Variants in CSMD2 observed in about 807,000 individuals in gnomAD.
CSMD2 encodes CUB and Sushi multiple domains 2.
A neutral mutation model predicts 398.5 loss-of-function variants in CSMD2; 130 were observed. The ratio of observed to expected loss-of-function variants is 0.33; its 90% confidence interval spans 0.28 to 0.38. The LOEUF (loss-of-function observed/expected upper bound fraction) is 0.38. CSMD2 is among the 10% of genes least tolerant of loss of function. The pLI is 1.00. For synonymous variants in CSMD2, 1,828 were observed against 1,908.5 expected (o/e 0.96, Z 1.10); for missense variants, 3,829 against 4,764.9 (o/e 0.80, Z 5.78).
rs904209197 is a variant in CSMD2 at position 34,153,138 on chromosome 1, T to C, written c.187+11773A>G. On this transcript the variant is annotated intron_variant, in intron 1 of 70. Coordinates refer to ENST00000373381, the MANE Select transcript of CSMD2 (RefSeq NM_001281956.2). ...TTCAAGTGATTCTTGTGACCCAGCC[T>C]CCCGAGTAGCTGGGACTACAGGTGC... Among the ~76,000 whole-genome samples, 3 of 152,200 alleles carry C rather than the reference T, an allele frequency of 2.0e-5. No homozygotes were observed. The East Asian group carries it at 5.8e-4, about 29-fold the overall frequency.
intron 3 of CSMD2, among the ~76,000 whole-genome samples, chr1:34,030,696 C>A (rs992611661): frequency 6.6e-6 from 1 of 152,190 alleles, no homozygotes; most frequent in African/African-American, 2.4e-5. Flanking sequence ...CCTAACAGGG[C>A]AGTGTGGGCA....
At chr1:33,943,618 T>A (rs1298449685) in intron 3 of CSMD2, among the ~76,000 whole-genome samples, 2 of 151,936 alleles carry the variant, frequency 1.3e-5, no homozygotes, top group Non-Finnish European at 2.9e-5. Context: ...ATCTAAGGAG[T>A]TACGTGGGGG....
At chr1:33,564,006 G>A (rs920430236) in intron 53 of CSMD2, among the ~76,000 whole-genome samples, 3 of 152,012 alleles carry the variant, frequency 2.0e-5, no homozygotes, top group Admixed American at 2.0e-4. Context: ...AAGAGAGAAT[G>A]GGCCTTAGTG....
At chr1:33,842,417 A>G (rs1660944958) in intron 6 of CSMD2, among the ~76,000 whole-genome samples, 1 of 152,202 alleles carries the variant, frequency 6.6e-6, no homozygotes, top group African/African-American at 2.4e-5. Context: ...ATCACTTCTC[A>G]TCTATGACTC....
intron 25 of CSMD2, among the ~76,000 whole-genome samples, chr1:33,672,578 C>T (rs1447583029): frequency 6.6e-6 from 1 of 152,238 alleles, no homozygotes; most frequent in African/African-American, 2.4e-5. Flanking sequence ...CCTCTGCAGA[C>T]TTAAATGTCC....
intron 3 of CSMD2, among the ~76,000 whole-genome samples, chr1:33,980,164 A>G (rs901467077): frequency 2.0e-5 from 3 of 152,156 alleles, no homozygotes; most frequent in African/African-American, 7.2e-5. Context: ...CAAAATAAAG[A>G]TATAAGGAAC....
At chr1:34,151,762 T>A (rs1640340706) in intron 1 of CSMD2, among the ~76,000 whole-genome samples, 1 of 152,014 alleles carries the variant, frequency 6.6e-6, no homozygotes, top group African/African-American at 2.4e-5. Flanking sequence ...CTATTTTTCT[T>A]TTATTTCTTC....
intron 1 of CSMD2, among the ~76,000 whole-genome samples, chr1:34,155,328 T>C (rs1640710135): frequency 1.3e-5 from 2 of 152,140 alleles, no homozygotes; most frequent in African/African-American, 4.8e-5. Context: ...GAACAAAATA[T>C]CGTAGGAGAT....
chr1:33,856,318 G>A (rs964035247), intron 5 of CSMD2, among the ~76,000 whole-genome samples: 4 of 152,222 alleles, frequency 2.6e-5, no homozygotes, highest in Admixed American at 6.5e-5. Context: ...AGAAGGACAG[G>A]GCACTCTGTG....
intron 60 of CSMD2, among the ~76,000 whole-genome samples, chr1:33,540,073 G>A (rs543050727): frequency 1.3e-5 from 2 of 152,202 alleles, no homozygotes; most frequent in South Asian, 2.1e-4. Context: ...GTAAGCCCTG[G>A]AATAGATTTG....
At chr1:33,868,840 TGATA>T (rs1324759532) in intron 5 of CSMD2, 2 of 152,134 alleles carry the variant, frequency 1.3e-5, no homozygotes, top group African/African-American at 4.8e-5. Flanking sequence ...AGATAAATGA[TGATA>T]GATAGGATAG....
chr1:33,642,795 C>T (rs1643188730), intron 29 of CSMD2, among the ~76,000 whole-genome samples: 1 of 152,098 alleles, frequency 6.6e-6, no homozygotes. Context: ...TAATAAGTTA[C>T]CCCTTTGTTT....
intron 1 of CSMD2, among the ~76,000 whole-genome samples, chr1:34,143,053 T>G (rs1639448972): frequency 6.6e-6 from 1 of 152,146 alleles, no homozygotes. Flanking sequence ...TGTGTGATCT[T>G]TGGGCAAGTC....
At chr1:33,719,310 G>A (rs181498147) in intron 19 of CSMD2, among the ~76,000 whole-genome samples, 12 of 152,310 alleles carry the variant, frequency 7.9e-5, no homozygotes, top group Admixed American at 3.3e-4. Flanking sequence ...AGTCACAGGT[G>A]GAAACAAGTT....
At chr1:33,793,646 T>C (rs1201039768) in intron 10 of CSMD2, among the ~76,000 whole-genome samples, 2 of 151,954 alleles carry the variant, frequency 1.3e-5, no homozygotes, top group Non-Finnish European at 2.9e-5. Flanking sequence ...GACGCATAGG[T>C]GTTTGAGAAA....
intron 5 of CSMD2, among the ~76,000 whole-genome samples, chr1:33,848,923 C>T (rs1638497256): frequency 6.6e-6 from 1 of 150,738 alleles, no homozygotes; most frequent in South Asian, 2.1e-4. Flanking sequence ...TAATTCAGGA[C>T]CAAAAGCTCT....
chr1:33,895,092 TTA>T (rs1642288328), intron 5 of CSMD2, among the ~76,000 whole-genome samples: 1 of 152,194 alleles, frequency 6.6e-6, no homozygotes, highest in South Asian at 2.1e-4. Flanking sequence ...AATCGCTACA[TTA>T]TTGAGTGTTA....
chr1:33,560,791 T>C (rs534852090), intron 53 of CSMD2, among the ~76,000 whole-genome samples: 1 of 152,378 alleles, frequency 6.6e-6, no homozygotes, highest in East Asian at 1.9e-4. Context: ...GTCAGGGACT[T>C]GGTTTTGCTT....
At chr1:33,553,607 A>C (rs1338615930) in intron 55 of CSMD2, among the ~76,000 whole-genome samples, 2 of 152,210 alleles carry the variant, frequency 1.3e-5, no homozygotes, top group African/African-American at 4.8e-5. Flanking sequence ...GGAATGATTA[A>C]AAGCTTAGTG....
Sources: gnomAD v4.1 joint callset for allele counts (sites outside exome capture counted in the v4.1 genomes callset) on GRCh38, gnomAD v4.1.1 for gene constraint, MANE v1.5 for transcripts, NCBI Gene and HGNC (gene_info 2026-07-23, HGNC 2026-07-21) for gene names.